The following PRTFDC1 variants were observed in gnomAD, a reference collection of about 807,000 sequenced individuals.
PRTFDC1 encodes the protein phosphoribosyltransferase domain-containing protein 1.
A neutral mutation model predicts 34.6 loss-of-function variants in PRTFDC1; 38 were observed. That is an observed-to-expected ratio of 1.10 (90% CI 0.85 to 1.44). The LOEUF (loss-of-function observed/expected upper bound fraction) is 1.44, where lower values mean the gene tolerates loss of function less well. Ranked by LOEUF, PRTFDC1 falls within the 40% of genes most tolerant of loss-of-function variation. The pLI is 0.00. For synonymous variants in PRTFDC1, 93 were observed against 98.1 expected, an observed-to-expected ratio of 0.95 and a Z score of 0.31; for missense variants, 270 against 283.0, an observed-to-expected ratio of 0.95 and a Z score of 0.33.
chr10:24,927,070 T>C (rs938929147), intron 3 of PRTFDC1, among the ~76,000 whole-genome samples: 1 of 152,206 alleles, frequency 6.6e-6, no homozygotes, highest in African/African-American at 2.4e-5. Flanking sequence ...AAATGGGCTT[T>C]GGTTTCACTT....
intron 3 of PRTFDC1, among the ~76,000 whole-genome samples, chr10:24,931,248 A>G (rs906568080): frequency 9.2e-5 from 14 of 152,162 alleles, no homozygotes; most frequent in Non-Finnish European, 1.8e-4. Context: ...ACTTAAAGGA[A>G]AACTTACAGC....
intron 3 of PRTFDC1, among the ~76,000 whole-genome samples, chr10:24,890,715 C>T (rs1001167330): frequency 2.0e-5 from 3 of 152,156 alleles, no homozygotes; most frequent in African/African-American, 7.2e-5. Context: ...TCATCAGAGA[C>T]TGTAAGATCC....
chr10:24,897,361 C>A (rs1848384728), intron 3 of PRTFDC1, among the ~76,000 whole-genome samples: 1 of 152,118 alleles, frequency 6.6e-6, no homozygotes, highest in African/African-American at 2.4e-5. Flanking sequence ...AAAAACCAAA[C>A]AAAATAAAAA....
At position 24,857,943 on chromosome 10, in the gene PRTFDC1, G is replaced by A. The variant is rs554257986; in HGVS notation, c.423+449C>T. Among the ~76,000 whole-genome samples the A allele has an allele frequency of 2.0e-4, 30 of 152,142 alleles. No individual in the cohort carries two copies. In the South Asian group the frequency reaches 5.6e-3, roughly 28 times the overall value. On this transcript the variant is annotated intron_variant, in intron 5 of 8. Transcript: ENST00000320152. The stretch of plus-strand genomic sequence containing the variant: ...AAAAACATAGCTTTCCCCATAGCTC[G>A]TCATTTTTAATTGATTGTGTTTATG...
chr10:24,857,358 T>C (rs547163985), intron 5 of PRTFDC1, among the ~76,000 whole-genome samples: 1 of 152,298 alleles, frequency 6.6e-6, no homozygotes, highest in Non-Finnish European at 1.5e-5. Context: ...GGCACATGAA[T>C]TTTCATGGAT....
chr10:24,927,261 G>A (rs890218615), intron 3 of PRTFDC1, among the ~76,000 whole-genome samples: 20 of 152,284 alleles, frequency 1.3e-4, no homozygotes, highest in African/African-American at 4.8e-4. Flanking sequence ...GAGAAAACAG[G>A]ACTGTCAATA....
At chr10:24,901,547 A>G (rs1007780568) in intron 3 of PRTFDC1, among the ~76,000 whole-genome samples, 1 of 152,144 alleles carries the variant, frequency 6.6e-6, no homozygotes, top group Admixed American at 6.5e-5. Context: ...CAACATAGCA[A>G]GACTCTGTCT....
At chr10:24,921,904 G>A (rs1452496413) in intron 3 of PRTFDC1, among the ~76,000 whole-genome samples, 3 of 152,062 alleles carry the variant, frequency 2.0e-5, no homozygotes, top group Non-Finnish European at 4.4e-5. Context: ...TGCAAGAAAG[G>A]AATATACACT....
At chr10:24,876,616 C>A (rs1489794791) in intron 3 of PRTFDC1, among the ~76,000 whole-genome samples, 1 of 152,042 alleles carries the variant, frequency 6.6e-6, no homozygotes, top group African/African-American at 2.4e-5. Flanking sequence ...ATCGCTTGAA[C>A]CTGGAAGGTG....
intron 3 of PRTFDC1, among the ~76,000 whole-genome samples, chr10:24,879,573 C>T (rs1051995299): frequency 6.6e-6 from 1 of 151,992 alleles, no homozygotes; most frequent in Admixed American, 6.6e-5. Flanking sequence ...GTCTGGAACT[C>T]CTGACCTCAG....
intron 7 of PRTFDC1, 143 bp downstream of exon 7, chr10:24,855,175 A>G (rs1170269350): frequency 2.8e-6 from 2 of 726,972 alleles, no homozygotes; most frequent in Non-Finnish European, 4.5e-6. Flanking sequence ...ATCATGAGGA[A>G]TCCGTGGGAC....
At chr10:24,914,481 C>T (rs1385988631) in intron 3 of PRTFDC1, among the ~76,000 whole-genome samples, 1 of 152,120 alleles carries the variant, frequency 6.6e-6, no homozygotes, top group Non-Finnish European at 1.5e-5. Flanking sequence ...GAGCTTAAGG[C>T]CATTTTGTGC....
intron 3 of PRTFDC1, among the ~76,000 whole-genome samples, chr10:24,912,292 A>AAAG (rs1564310596): frequency 1.4e-5 from 2 of 142,176 alleles, no homozygotes; most frequent in East Asian, 2.0e-4. Flanking sequence ...AAAAAAAAAA[A>AAAG]AAAGAAAGAA....
chr10:24,886,653 C>T (rs1282808048), intron 3 of PRTFDC1, among the ~76,000 whole-genome samples: 1 of 152,094 alleles, frequency 6.6e-6, no homozygotes, highest in Non-Finnish European at 1.5e-5. Flanking sequence ...ATTATGTTGC[C>T]CAAGCTGGAG....
intron 3 of PRTFDC1, among the ~76,000 whole-genome samples, chr10:24,901,923 G>A (rs1449944465): frequency 2.0e-5 from 3 of 152,196 alleles, no homozygotes; most frequent in African/African-American, 7.2e-5. Flanking sequence ...AATGCACGGT[G>A]ACTGCCACAG....
At chr10:24,869,057 G>A (rs1588579858) in intron 4 of PRTFDC1, among the ~76,000 whole-genome samples, 1 of 152,082 alleles carries the variant, frequency 6.6e-6, no homozygotes, top group African/African-American at 2.4e-5. Context: ...AAGTCTTCTA[G>A]CTACTTTGAA....
At position 24,937,293 on chromosome 10, in the gene PRTFDC1, C is replaced by G; in HGVS notation, c.230G>C (p.Gly77Ala). 6.2e-7 allele frequency: 1 copy of G among 1,613,994 alleles called. No homozygotes were observed. The highest frequency in any genetic ancestry group is 8.5e-7 in the Non-Finnish European group (1 of 1,179,970). ...GAGATCAGCACAGAATTTGTAACCT[C>G]CTTTAAGCACACACAGGACCATGAT... ...SDIMVLCVLK[G>A]GYKFCADLVE... Residue 77 changes from glycine to alanine, a missense_variant, in exon 3 of 9, where the codon GGA becomes GCA. By Grantham distance (60) the Gly-to-Ala change is moderately conservative. Transcript: ENST00000320152.
At chr10:24,905,770 T>C (rs1014480023) in intron 3 of PRTFDC1, among the ~76,000 whole-genome samples, 1 of 152,158 alleles carries the variant, frequency 6.6e-6, no homozygotes, top group African/African-American at 2.4e-5. Context: ...ATTCCATCAG[T>C]TATCTATTAA....
intron 4 of PRTFDC1, among the ~76,000 whole-genome samples, chr10:24,862,384 T>C (rs1588575618): frequency 2.2e-5 from 2 of 91,854 alleles, no homozygotes; most frequent in African/African-American, 1.2e-4. Flanking sequence ...TACATTTCTC[T>C]TTTTTTTTGT....
Sources: allele counts gnomAD v4.1 joint callset (sites outside exome capture counted in the v4.1 genomes callset), GRCh38; gene constraint gnomAD v4.1.1; transcripts MANE v1.5; gene names NCBI Gene and HGNC (gene_info 2026-07-23, HGNC 2026-07-21).